GOLGB1: variants seen among roughly 807,000 people sequenced by gnomAD.
GOLGB1 encodes golgin B1.
In GOLGB1, 174 loss-of-function variants were observed where a neutral mutation model predicts 336.9. That is an observed-to-expected ratio of 0.52 (90% CI 0.46 to 0.59). The LOEUF is 0.59. GOLGB1 is among the 20% of genes least tolerant of loss of function. The pLI, the probability that GOLGB1 is intolerant of heterozygous loss-of-function variation, is 0.00. For missense variants in GOLGB1, 3,331 were observed against 3,645.3 expected (o/e 0.91, Z 2.22); for synonymous variants, 1,208 against 1,289.2 (o/e 0.94, Z 1.35).
At chr3:121,713,156 C>T (rs1430161570) in intron 10 of GOLGB1, among the ~76,000 whole-genome samples, 4 of 151,902 alleles carry the variant, frequency 2.6e-5, no homozygotes, top group South Asian at 4.2e-4. Flanking sequence ...ACCAAGACTC[C>T]GTCTTGGAAA....
intron 6 of GOLGB1, among the ~76,000 whole-genome samples, chr3:121,721,518 A>C (rs904563024): frequency 6.6e-6 from 1 of 152,168 alleles, no homozygotes. Flanking sequence ...AGTCCCAGCT[A>C]CTTGGGAAGC....
rs749867762 is a variant in GOLGB1, at chr3:121,664,991, T to C, written c.9595A>G (p.Ile3199Val). ...SEWDSSRTPI[I>V]GSCGTQEQAL... ...TGCTCCTGAGTGCCACAGGAGCCAA[T>C]GATAGGAGTCCGGGAAGAGTCCCAT... Residue 3199 changes from isoleucine to valine, a missense_variant, in exon 21 of 22, where the codon ATT becomes GTT. Ile to Val is a conservative substitution (Grantham distance 29). Coordinates refer to ENST00000614479, the MANE Select transcript of GOLGB1 (RefSeq NM_001366282.2). 7.4e-6 allele frequency: 12 copies of C among 1,611,732 alleles called. No homozygotes were observed. Among genetic ancestry groups the C allele is most frequent in the Middle Eastern group, 1.6e-4 (1 of 6,076 alleles).
intron 20 of GOLGB1, among the ~76,000 whole-genome samples, 173 bp downstream of exon 20, chr3:121,667,303 T>C (rs1372283465): frequency 1.3e-5 from 2 of 152,240 alleles, no homozygotes; most frequent in African/African-American, 4.8e-5. Flanking sequence ...GACTCTCTTA[T>C]ACTCCAAAAG....
chr3:121,685,294 T>C (rs1042082394), intron 14 of GOLGB1, among the ~76,000 whole-genome samples: 1 of 152,146 alleles, frequency 6.6e-6, no homozygotes. Flanking sequence ...CCCAACACTT[T>C]GGGAGGCTGA....
At chr3:121,706,245 T>A (rs906799631) in intron 10 of GOLGB1, among the ~76,000 whole-genome samples, 5 of 150,682 alleles carry the variant, frequency 3.3e-5, no homozygotes, top group African/African-American at 1.2e-4. Context: ...GTCAGAAAAA[T>A]ATATATATTT....
At position 121,691,244 on chromosome 3, in the gene GOLGB1, TCTG is replaced by T. The variant is rs1337811277; in HGVS notation, c.8117_8119del (p.Ala2706del). On this transcript the variant is annotated inframe_deletion, in exon 14 of 22. Transcript: ENST00000614479. Reference sequence around the variant, plus strand: ...TCTTGCTAGCTCTGCCACTCTCTCTTCTGCTGTTTCAGTTTCATTTCTCATTAT... The same window carrying T: ...TCTTGCTAGCTCTGCCACTCTCTCTTCTGTTTCAGTTTCATTTCTCATTAT... 3 of 1,614,032 alleles carry T rather than the reference TCTG, an allele frequency of 1.9e-6. No homozygotes were observed. Among genetic ancestry groups the T allele is most frequent in the Non-Finnish European group, 2.5e-6 (3 of 1,180,020 alleles).
At chr3:121,716,378 T>C (rs1944776474) in intron 9 of GOLGB1, among the ~76,000 whole-genome samples, 1 of 152,188 alleles carries the variant, frequency 6.6e-6, no homozygotes, top group Admixed American at 6.5e-5. Context: ...CCATGCAATT[T>C]AGTCTCCTAA....
At position 121,664,218 on chromosome 3, in the gene GOLGB1, T is replaced by C; in HGVS notation, c.*262A>G. ...CAGGGTCCTGCAAAATCTCAACAAA[T>C]ATTAGGCTCAACAAACCAAATGTGA... On this transcript the variant is annotated 3_prime_UTR_variant, in exon 22 of 22. Transcript: ENST00000614479. 1 of 465,166 alleles carries C rather than the reference T, an allele frequency of 2.1e-6. No individual in the cohort carries two copies. Among genetic ancestry groups the C allele is most frequent in the Non-Finnish European group, 3.9e-6 (1 of 257,154 alleles). 28.8% of individuals were successfully genotyped at this position (465,166 alleles called of 1,614,324 possible). A position where few individuals can be genotyped will look rare whatever the true frequency, so the allele number is the denominator to read the frequency against.
chr3:121,682,695 A>C (rs542827097), intron 14 of GOLGB1, among the ~76,000 whole-genome samples: 3 of 152,326 alleles, frequency 2.0e-5, no homozygotes, highest in Non-Finnish European at 4.4e-5. Flanking sequence ...GGTCTTGTTC[A>C]CATACCTCTT....
chr3:121,718,541 G>T lies in GOLGB1; in HGVS notation c.772-40C>A, dbSNP rs774061090. Reference sequence around the variant, plus strand: ...TTTTAGACATAATATGCTAACAAATGAGTGCTTGTATTTGCTTATCTTTCA... The same window carrying T: ...TTTTAGACATAATATGCTAACAAATTAGTGCTTGTATTTGCTTATCTTTCA... On this transcript the variant is annotated intron_variant, in intron 7 of 21. Coordinates refer to ENST00000614479, the MANE Select transcript of GOLGB1 (RefSeq NM_001366282.2). 7.1e-6 allele frequency: 9 copies of T among 1,274,268 alleles called. No individual in the cohort carries two copies. In the Admixed American group the frequency reaches 1.5e-4, roughly 22 times the overall value. The allele number at this position is 1,274,268 out of a possible 1,614,324, so 78.9% of individuals were successfully genotyped here.
chr3:121,708,823 A>G (rs1944103821), intron 10 of GOLGB1, among the ~76,000 whole-genome samples: 1 of 152,196 alleles, frequency 6.6e-6, no homozygotes, highest in African/African-American at 2.4e-5. Context: ...AGAAGAAGGG[A>G]AAACAGAGGG....
intron 1 of GOLGB1, among the ~76,000 whole-genome samples, chr3:121,731,774 A>C (rs1946137590): frequency 6.6e-6 from 1 of 152,192 alleles, no homozygotes; most frequent in African/African-American, 2.4e-5. Context: ...TCTATAGAAA[A>C]TTAGAAAAAG....
In GOLGB1 at chr3:121,697,820, G is replaced by T. The variant is rs769441768; in HGVS notation, c.2703C>A (p.Ile901=). ...CTGTCACTTGTTGATCCTTCTCCTC[G>T]ATGGTTTGTTGGAGGGTTTCCACAT... is the stretch of plus-strand genomic sequence containing the variant. ...KRDVETLQQT[I]EEKDQQVTEI... Residue 901 remains isoleucine, a synonymous_variant, in exon 13 of 22, where the codon ATC becomes ATA. Coordinates refer to ENST00000614479, the MANE Select transcript of GOLGB1 (RefSeq NM_001366282.2). The T allele has an allele frequency of 6.2e-7, 1 of 1,613,988 alleles. No individual in the cohort carries two copies. The highest frequency in any genetic ancestry group is 1.7e-5 in the Admixed American group (1 of 60,004).
intron 17 of GOLGB1, among the ~76,000 whole-genome samples, chr3:121,671,492 A>C (rs1360859601): frequency 6.6e-6 from 1 of 152,230 alleles, no homozygotes; most frequent in African/African-American, 2.4e-5. Context: ...AACCTCCCAG[A>C]TACTTAAAAA....
At chr3:121,685,880 T>C (rs778681135) in intron 14 of GOLGB1, among the ~76,000 whole-genome samples, 3 of 152,134 alleles carry the variant, frequency 2.0e-5, no homozygotes, top group Non-Finnish European at 2.9e-5. Flanking sequence ...CCAAAACATA[T>C]TTTTGTTTTG....
chr3:121,727,157 G>A, intron 4 of GOLGB1, 116 bp from the exon 5 acceptor site: 3 of 549,408 alleles, frequency 5.5e-6, no homozygotes, highest in East Asian at 4.5e-5. Flanking sequence ...TAAACTGATG[G>A]GAGCAAGAAA....
At chr3:121,738,844 G>A (rs1330645383) in intron 1 of GOLGB1, among the ~76,000 whole-genome samples, 1 of 152,168 alleles carries the variant, frequency 6.6e-6, no homozygotes, top group Non-Finnish European at 1.5e-5. Context: ...CAGGAAATCC[G>A]AGAAATCCAG....
In GOLGB1 at chr3:121,698,748, T is replaced by C; in HGVS notation, c.1775A>G (p.Glu592Gly). 2.5e-6 allele frequency: 4 copies of C among 1,613,606 alleles called. No homozygotes were observed. Among genetic ancestry groups the C allele is most frequent in the Non-Finnish European group, 3.4e-6 (4 of 1,179,678 alleles). The change falls in exon 13 of 22, where the codon GAA (glutamate) becomes GGA (glycine). Residue 592 changes from glutamate to glycine, a missense_variant. Physicochemically the swap from Glu to Gly is moderately conservative, Grantham distance 98. Transcript: ENST00000614479. The stretch of plus-strand genomic sequence containing the variant: ...CTGGTCAAGGACCTCATGATCTGCT[T>C]CCTCAGCCCTTTTTCCCTGGAGCTG... Reference protein sequence around the residue: ...KLQLQGKRAEEADHEVLDQKE... With the variant: ...KLQLQGKRAEGADHEVLDQKE...
chr3:121,748,965 C>G (rs977226564), intron 1 of GOLGB1: 1 of 980,792 alleles, frequency 1.0e-6, no homozygotes, highest in Non-Finnish European at 1.2e-6. Flanking sequence ...TATTTTTCCT[C>G]GAGAACTCTC....
Sources: gnomAD v4.1 joint callset for allele counts (sites outside exome capture counted in the v4.1 genomes callset) on GRCh38, gnomAD v4.1.1 for gene constraint, MANE v1.5 for transcripts, NCBI Gene and HGNC (gene_info 2026-07-23, HGNC 2026-07-21) for gene names.